The following SLC26A11 variants were observed in gnomAD, a reference collection of about 807,000 sequenced individuals.
SLC26A11 encodes sodium-independent sulfate anion transporter.
A neutral mutation model predicts 62.2 loss-of-function variants in SLC26A11; 58 were observed. The ratio of observed to expected loss-of-function variants is 0.93; its 90% CI spans 0.76 to 1.16. SLC26A11 has a LOEUF of 1.16. Among genes scored for constraint, SLC26A11 ranks in the 50% most tolerant of loss-of-function variants. The pLI, the probability that SLC26A11 is intolerant of heterozygous loss-of-function variation, is 0.00. For missense variants in SLC26A11, 790 were observed against 794.3 expected (o/e 0.99, Z 0.06); for synonymous variants, 411 against 368.9 (o/e 1.11, Z -1.31).
chr17:80,226,570 G>A (rs1303821586), intron 6 of SLC26A11, among the ~76,000 whole-genome samples: 1 of 152,172 alleles, frequency 6.6e-6, no homozygotes, highest in Admixed American at 6.5e-5. Flanking sequence ...GTGTGATGGT[G>A]CGTGCCTGTA....
intron 6 of SLC26A11, 37 bp from the exon 7 acceptor site, chr17:80,227,781 C>A: frequency 6.3e-7 from 1 of 1,595,600 alleles, no homozygotes; most frequent in Non-Finnish European, 8.5e-7. Flanking sequence ...AGGCCTGGGC[C>A]GAGCTGGGTG....
chr17:80,236,490 C>G (rs2042694859), intron 7 of SLC26A11, among the ~76,000 whole-genome samples: 1 of 152,238 alleles, frequency 6.6e-6, no homozygotes, highest in South Asian at 2.1e-4. Flanking sequence ...CCTTGTTTCC[C>G]TGTGGCCGTC....
chr17:80,243,076 G>C (rs372381033), intron 10 of SLC26A11, among the ~76,000 whole-genome samples: 1 of 151,980 alleles, frequency 6.6e-6, no homozygotes, highest in African/African-American at 2.4e-5. Flanking sequence ...TTTCCTTCTC[G>C]CCCCTCATGA....
At chr17:80,221,819 G>T (rs1374243692) in intron 3 of SLC26A11, 25 bp downstream of exon 3, 1 of 1,594,350 alleles carries the variant, frequency 6.3e-7, no homozygotes, top group Non-Finnish European at 8.5e-7. Context: ...CCTGCTGCCA[G>T]CCATATCTCA....
At chr17:80,238,620 C>T (rs916608688) in intron 9 of SLC26A11, among the ~76,000 whole-genome samples, 1 of 152,124 alleles carries the variant, frequency 6.6e-6, no homozygotes, top group African/African-American at 2.4e-5. Flanking sequence ...ATGACACCTT[C>T]GTTCTGTCTT....
Position 80,220,437 on chromosome 17 carries a change from C to A in SLC26A11, c.-273C>A, listed in dbSNP as rs1315185495. 21 of 927,102 alleles carry A rather than the reference C, an allele frequency of 2.3e-5. No homozygotes were observed. Among genetic ancestry groups the A allele is most frequent in the Non-Finnish European group, 3.1e-5 (21 of 678,674 alleles). The allele number at this position is 927,102 out of a possible 1,614,324, so 57.4% of individuals were successfully genotyped here. On this transcript the variant is annotated 5_prime_UTR_variant, in exon 1 of 18. Transcript: ENST00000361193. The stretch of plus-strand genomic sequence containing the variant: ...AGACCCCGCCCCGGCCTGTCCCCGG[C>A]GATTCCTGCGGACCCAGCTGCGGCG...
intron 5 of SLC26A11, 105 bp from the exon 6 acceptor site, chr17:80,225,732 C>G (rs2042389134): frequency 9.9e-7 from 1 of 1,007,220 alleles, no homozygotes; most frequent in Non-Finnish European, 1.5e-6. Context: ...GGGAGCAGGG[C>G]CGGGGGACAC....
chr17:80,225,823 CTG>C lies in SLC26A11; in HGVS notation c.514-10_514-9del. The C allele has an allele frequency of 3.1e-6, 5 of 1,612,874 alleles. No homozygotes were observed. The highest frequency in any genetic ancestry group is 2.2e-5 in the South Asian group (2 of 91,058). On this transcript the variant is annotated splice_polypyrimidine_tract_variant and intron_variant, in intron 5 of 17. Coordinates refer to ENST00000361193, the MANE Select transcript of SLC26A11 (RefSeq NM_001166347.2). The stretch of plus-strand genomic sequence containing the variant: ...GGAGCATAGCCTCTGATCAGCATCT[CTG>C]TGTTTGGACAGAACCTGCTGGGACT...
At chr17:80,226,468 A>G (rs2042414423) in intron 6 of SLC26A11, among the ~76,000 whole-genome samples, 1 of 152,170 alleles carries the variant, frequency 6.6e-6, no homozygotes, top group Non-Finnish European at 1.5e-5. Context: ...TGGGAAGCCC[A>G]GGTGGGCAGA....
rs1010625733 is a variant in SLC26A11 at position 80,246,418 on chromosome 17, C to A, written c.1154-91C>A. 15 of 1,554,516 alleles carry A rather than the reference C, an allele frequency of 9.6e-6. No homozygotes were observed. In the African/African-American group the frequency reaches 1.5e-4, roughly 15 times the overall value. ...TCGTCGCCCTACCCCCACCCCTGTC[C>A]CCAGTGGGCTCTGCTGAACAAGAGG... On this transcript the variant is annotated intron_variant, in intron 12 of 17. Transcript: ENST00000361193. The surrounding 1 kb of genome is among the most constrained non-coding windows in gnomAD (Gnocchi z 4.4).
At chr17:80,250,336 C>T (rs989400667) in intron 16 of SLC26A11, among the ~76,000 whole-genome samples, 19 of 152,152 alleles carry the variant, frequency 1.2e-4, no homozygotes, top group African/African-American at 4.3e-4. Flanking sequence ...ACCTGGCCCA[C>T]GAGGCTAGTG....
rs1480690215 is a variant in SLC26A11, at chr17:80,222,902, T to C, written c.427+55T>C. 1 of 1,582,468 alleles carries C rather than the reference T, an allele frequency of 6.3e-7. No homozygotes were observed. The highest frequency in any genetic ancestry group is 8.6e-7 in the Non-Finnish European group (1 of 1,159,894). ...GCCCTCGACCTCAGCATTTGCTTGT[T>C]TGCATTTCAAGTCTATCCCCGTGTG... On this transcript the variant is annotated intron_variant, in intron 4 of 17. Coordinates refer to ENST00000361193, the MANE Select transcript of SLC26A11 (RefSeq NM_001166347.2). This position sits in a 1 kb window ranked among gnomAD's most constrained non-coding sequence, Gnocchi z 4.7.
At chr17:80,232,275 G>A (rs2042585783) in intron 7 of SLC26A11, among the ~76,000 whole-genome samples, 1 of 148,996 alleles carries the variant, frequency 6.7e-6, no homozygotes, top group Non-Finnish European at 1.5e-5. Flanking sequence ...TTTTTTTTGA[G>A]ACAGAATCTC....
intron 7 of SLC26A11, among the ~76,000 whole-genome samples, chr17:80,235,001 C>G (rs1393216541): frequency 6.6e-6 from 1 of 152,096 alleles, no homozygotes; most frequent in Non-Finnish European, 1.5e-5. Flanking sequence ...AGGCATCCAC[C>G]ACCATGCCCA....
chr17:80,237,537 C>CTCAGGACA lies in SLC26A11; in HGVS notation c.929_930insCAGGACAT (p.Ala311ArgfsTer8). On this transcript the variant is annotated frameshift_variant, in exon 9 of 18. Coordinates refer to ENST00000361193, the MANE Select transcript of SLC26A11 (RefSeq NM_001166347.2). LOFTEE classifies it high-confidence loss of function. The stretch of plus-strand genomic sequence containing the variant: ...CCTCTCTCAGGACATGGGAGCCGGG[C>CTCAGGACA]TGGCCGTGGTGCCCCTGATGGGCCT... 1 of 1,611,398 alleles carries CTCAGGACA rather than the reference C, an allele frequency of 6.2e-7. No individual in the cohort carries two copies. The highest frequency in any genetic ancestry group is 8.5e-7 in the Non-Finnish European group (1 of 1,179,016).
intron 16 of SLC26A11, among the ~76,000 whole-genome samples, chr17:80,250,231 C>T (rs945634772): frequency 3.3e-5 from 5 of 152,218 alleles, no homozygotes; most frequent in African/African-American, 1.2e-4. Context: ...CCAGAGGAGA[C>T]ATTCATGAAC....
intron 7 of SLC26A11, among the ~76,000 whole-genome samples, chr17:80,230,088 G>T (rs1336817061): frequency 6.6e-6 from 1 of 151,848 alleles, no homozygotes; most frequent in Non-Finnish European, 1.5e-5. Flanking sequence ...CCAGCTACTT[G>T]GGAGGCTGAG....
chr17:80,225,863 C>A lies in SLC26A11; in HGVS notation c.540C>A (p.Pro180=), dbSNP rs770597221. Residue 180 remains proline, a synonymous_variant, in exon 6 of 18, where the codon CCC becomes CCA. Transcript: ENST00000361193. ...IKNLLGLQNI[P]RPFFLQVYHT... Reference sequence around the variant, plus strand: ...ACCTGCTGGGACTACAGAACATCCCCAGGCCGTTCTTCCTGCAGGTGTACC... The same window carrying A: ...ACCTGCTGGGACTACAGAACATCCCAAGGCCGTTCTTCCTGCAGGTGTACC... 1 of 1,614,000 alleles carries A rather than the reference C, an allele frequency of 6.2e-7. No homozygotes were observed. Among genetic ancestry groups the A allele is most frequent in the Non-Finnish European group, 8.5e-7 (1 of 1,179,928 alleles).
In SLC26A11 at chr17:80,242,717, G is replaced by T. The variant is rs375420687; in HGVS notation, c.1036+896G>T. ...TCGAGACCACAGTGTGAATCTTTTT[G>T]TGTGTGTGAGAGACTGAATCTTGCT... On this transcript the variant is annotated intron_variant, in intron 10 of 17. Coordinates refer to ENST00000361193, the MANE Select transcript of SLC26A11 (RefSeq NM_001166347.2). Among the ~76,000 whole-genome samples the T allele has an allele frequency of 1.6e-4, 25 of 152,244 alleles. 1 individual carries two copies. The highest frequency in any genetic ancestry group is 5.8e-4 in the African/African-American group (24 of 41,548).
Sources: allele counts gnomAD v4.1 joint callset (sites outside exome capture counted in the v4.1 genomes callset), GRCh38; gene constraint gnomAD v4.1.1; non-coding constraint Gnocchi (gnomAD v3.1); transcripts MANE v1.5; gene names NCBI Gene and HGNC (gene_info 2026-07-23, HGNC 2026-07-21).